CASK: variants seen among roughly 807,000 people sequenced by gnomAD.
CASK encodes peripheral plasma membrane protein CASK.
A neutral mutation model predicts 82.9 loss-of-function variants in CASK; 4 were observed. The observed-to-expected ratio is 0.05, with a 90% CI of 0.02 to 0.11. The LOEUF (loss-of-function observed/expected upper bound fraction) is 0.11. CASK is among the 10% of genes least tolerant of loss of function. The pLI is 1.00. For synonymous variants in CASK, 259 were observed against 253.5 expected (o/e 1.02, Z -0.20); for missense variants, 358 against 720.9 (o/e 0.50, Z 5.76).
intron 12 of CASK, among the ~76,000 whole-genome samples, chrX:41,592,020 G>A (rs1247856813): frequency 9.1e-6 from 1 of 110,005 alleles, no homozygotes; most frequent in African/African-American, 3.3e-5. Flanking sequence ...GGACGCTGAG[G>A]CAGGCAGATT....
intron 12 of CASK, among the ~76,000 whole-genome samples, chrX:41,604,705 A>T (rs2065936116): frequency 8.9e-6 from 1 of 112,078 alleles, no homozygotes; most frequent in Non-Finnish European, 1.9e-5. Context: ...TACGAAGATC[A>T]TCTTAGCACC....
chrX:41,622,220 C>CTAT (rs2066297764), intron 11 of CASK, among the ~76,000 whole-genome samples: 1 of 112,179 alleles, frequency 8.9e-6, no homozygotes, highest in Admixed American at 9.5e-5. Flanking sequence ...TAACAGGAAG[C>CTAT]AATAAAGACC....
intron 15 of CASK, among the ~76,000 whole-genome samples, chrX:41,572,041 C>T (rs1328201005): frequency 4.6e-5 from 5 of 109,862 alleles, no homozygotes; most frequent in Non-Finnish European, 1.9e-5. Context: ...CTCCAGCTAC[C>T]TTTTGATTAA....
intron 24 of CASK, 121 bp downstream of exon 24, chrX:41,534,585 A>T: frequency 1.8e-6 from 1 of 554,996 alleles, no homozygotes; most frequent in Admixed American, 3.3e-5. Context: ...TCTTTTTTTG[A>T]TTTTACAAAT....
intron 2 of CASK, among the ~76,000 whole-genome samples, chrX:41,844,567 T>C (rs929312163): frequency 1.8e-5 from 2 of 111,554 alleles, no homozygotes; most frequent in African/African-American, 6.5e-5. Context: ...CCTTCCTTTA[T>C]TATGGATTTT....
intron 2 of CASK, among the ~76,000 whole-genome samples, chrX:41,833,041 C>T (rs961992586): frequency 3.6e-5 from 4 of 111,975 alleles, no homozygotes; most frequent in African/African-American, 1.3e-4. Context: ...TTGCGTTGTC[C>T]GACCTTAGCT....
chrX:41,836,769 A>G (rs758914414), intron 2 of CASK, among the ~76,000 whole-genome samples: 4 of 111,811 alleles, frequency 3.6e-5, no homozygotes, highest in Non-Finnish European at 5.6e-5. Flanking sequence ...ACTTCTAACA[A>G]TATCAATTGC....
intron 2 of CASK, among the ~76,000 whole-genome samples, chrX:41,802,455 A>G (rs2070019399): frequency 8.9e-6 from 1 of 111,909 alleles, no homozygotes; most frequent in African/African-American, 3.2e-5. Context: ...AACTCCTGAA[A>G]AGAAGAACAA....
At chrX:41,728,752 A>G (rs1467870141) in intron 5 of CASK, 1 of 123,669 alleles carries the variant, frequency 8.1e-6, no homozygotes, top group Admixed American at 9.4e-5. Flanking sequence ...ATAAAACAAA[A>G]CAAAAAAATA....
chrX:41,578,332 C>A lies in CASK; in HGVS notation c.1503+8G>T. The A allele has an allele frequency of 8.4e-7, 1 of 1,188,274 alleles. No homozygotes were observed. Among genetic ancestry groups the A allele is most frequent in the Non-Finnish European group, 1.1e-6 (1 of 874,803 alleles). On this transcript the variant is annotated splice_region_variant and intron_variant, in intron 15 of 26. Coordinates refer to ENST00000378163, the MANE Select transcript of CASK (RefSeq NM_001367721.1). ...TGAGAGTATTGAAAACTTTCTCTTCCTACTTACCATTGGTTCATCTGTGTT... is the reference window on the plus strand; with the variant it reads ...TGAGAGTATTGAAAACTTTCTCTTCATACTTACCATTGGTTCATCTGTGTT...
chrX:41,529,968 G>A (rs947323653), intron 25 of CASK, among the ~76,000 whole-genome samples: 2 of 111,855 alleles, frequency 1.8e-5, no homozygotes, highest in African/African-American at 6.5e-5. Flanking sequence ...GGATGGTTAG[G>A]GGACCAAGTC....
At chrX:41,721,611 G>C (rs1365473511) in intron 5 of CASK, among the ~76,000 whole-genome samples, 2 of 111,881 alleles carry the variant, frequency 1.8e-5, no homozygotes, top group Non-Finnish European at 3.8e-5. Context: ...TTATTGACCT[G>C]CTAGAACAAC....
intron 21 of CASK, among the ~76,000 whole-genome samples, chrX:41,547,467 T>A (rs1184461480): frequency 9.0e-6 from 1 of 111,322 alleles, no homozygotes; most frequent in Non-Finnish European, 1.9e-5. Context: ...TGCAAATAGG[T>A]AATAAAACCT....
intron 5 of CASK, chrX:41,676,569 TG>T: frequency 1.2e-6 from 1 of 867,109 alleles, no homozygotes; most frequent in East Asian, 3.2e-5. Flanking sequence ...CGGGCGCCGC[TG>T]GGCCGGGCCT....
chrX:41,777,056 T>G (rs1278165332), intron 3 of CASK, among the ~76,000 whole-genome samples: 2 of 112,099 alleles, frequency 1.8e-5, no homozygotes, highest in African/African-American at 3.2e-5. Context: ...ACCCAAATAC[T>G]CATTAGCATT....
intron 3 of CASK, chrX:41,786,973 T>C (rs1265654673): frequency 2.5e-5 from 10 of 403,167 alleles, no homozygotes; most frequent in Admixed American, 4.0e-5. Flanking sequence ...GCTGAAAGCA[T>C]GAAGAGTAAC....
intron 9 of CASK, among the ~76,000 whole-genome samples, chrX:41,632,580 T>C (rs1396936562): frequency 8.9e-6 from 1 of 111,790 alleles, no homozygotes; most frequent in African/African-American, 3.2e-5. Context: ...TTAATATTAA[T>C]TTATTAAAAT....
chrX:41,542,584 T>A (rs1297105940), intron 22 of CASK, 107 bp downstream of exon 22: 7 of 522,508 alleles, frequency 1.3e-5, no homozygotes, highest in South Asian at 2.7e-5. Context: ...TCTCATATGG[T>A]AGAATTTTTT....
At chrX:41,903,659 T>TCTC (rs2072422136) in intron 1 of CASK, among the ~76,000 whole-genome samples, 2 of 111,583 alleles carry the variant, frequency 1.8e-5, no homozygotes, top group Admixed American at 1.9e-4. Flanking sequence ...CATAATCTGT[T>TCTC]CTCCACTCCC....
Sources: allele counts gnomAD v4.1 joint callset (sites outside exome capture counted in the v4.1 genomes callset), GRCh38; gene constraint gnomAD v4.1.1; transcripts MANE v1.5; gene names NCBI Gene and HGNC (gene_info 2026-07-23, HGNC 2026-07-21).